SULT1B1: variants seen among roughly 807,000 people sequenced by gnomAD.
SULT1B1 encodes the protein sulfotransferase family 1B member 1.
SULT1B1 carries 28 observed loss-of-function variants against 34.6 expected under a neutral mutation model. The ratio of observed to expected loss-of-function variants is 0.81; its 90% CI spans 0.60 to 1.11. The LOEUF is 1.11. SULT1B1 is among the 50% of genes least tolerant of loss of function. The pLI is 0.00. For synonymous variants in SULT1B1, 147 were observed against 110.2 expected, an observed-to-expected ratio of 1.33 and a Z score of -2.09; for missense variants, 374 against 352.2, an observed-to-expected ratio of 1.06 and a Z score of -0.50.
intron 5 of SULT1B1, 55 bp downstream of exon 5, chr4:69,734,083 A>C: frequency 7.5e-7 from 1 of 1,339,798 alleles, no homozygotes; most frequent in Non-Finnish European, 1.0e-6. Context: ...AGTTATTGTT[A>C]ATAGTATTAT....
chr4:69,723,707 A>C lies in SULT1B1; in HGVS notation c.*3381T>G, dbSNP rs1190715180. 3 of 152,228 alleles carry C rather than the reference A, an allele frequency of 2.0e-5. No individual in the cohort carries two copies. The highest frequency in any genetic ancestry group is 7.2e-5 in the African/African-American group (3 of 41,472). 9.4% of individuals were successfully genotyped at this position (152,228 alleles called of 1,614,324 possible). On this transcript the variant is annotated 3_prime_UTR_variant, in exon 8 of 8. Coordinates refer to ENST00000310613, the MANE Select transcript of SULT1B1 (RefSeq NM_014465.4). ...CAAGTGGGCTTCATCCCTGGGATTCAAGGCTGGTTCAACATATGCAAATCA... is the reference window on the plus strand; with the variant it reads ...CAAGTGGGCTTCATCCCTGGGATTCCAGGCTGGTTCAACATATGCAAATCA...
At chr4:69,735,758 CT>C (rs1481442557) in intron 4 of SULT1B1, among the ~76,000 whole-genome samples, 1 of 152,102 alleles carries the variant, frequency 6.6e-6, no homozygotes, top group Non-Finnish European at 1.5e-5. Context: ...TTTAAAGTAG[CT>C]ATCATAAAAA....
At position 69,726,507 on chromosome 4, in the gene SULT1B1, G is replaced by A. The variant is rs1031244925; in HGVS notation, c.*581C>T. ...TGCCTTTCGGAGACTTAGACATTAG[G>A]TATGATATAGAAAAAAGATTTCCAA... is the stretch of plus-strand genomic sequence containing the variant. On this transcript the variant is annotated 3_prime_UTR_variant, in exon 8 of 8. Coordinates refer to ENST00000310613, the MANE Select transcript of SULT1B1 (RefSeq NM_014465.4). The A allele has an allele frequency of 6.6e-6, 1 of 151,872 alleles. No homozygotes were observed. Among genetic ancestry groups the A allele is most frequent in the Non-Finnish European group, 1.5e-5 (1 of 67,936 alleles). The allele number at this position is 151,872 out of a possible 1,614,324, so 9.4% of individuals were successfully genotyped here.
chr4:69,755,321 C>A lies in SULT1B1; in HGVS notation c.-44-60G>T, dbSNP rs567886138. 35 of 1,313,514 alleles carry A rather than the reference C, an allele frequency of 2.7e-5. No homozygotes were observed. The Admixed American group carries it at 6.9e-4, about 26-fold the overall frequency. 81.4% of individuals were successfully genotyped at this position (1,313,514 alleles called of 1,614,324 possible). On this transcript the variant is annotated intron_variant, in intron 1 of 7. Transcript: ENST00000310613. ...AGTAACTAATGTTGGTCTTAAGACA[C>A]TGCAATTTGTCACAAAGTAAAATTG...
At chr4:69,735,833 G>A (rs1718288918) in intron 4 of SULT1B1, among the ~76,000 whole-genome samples, 1 of 152,090 alleles carries the variant, frequency 6.6e-6, no homozygotes, top group African/African-American at 2.4e-5. Flanking sequence ...CACCTCAAAA[G>A]GAATATCAAA....
intron 3 of SULT1B1, among the ~76,000 whole-genome samples, chr4:69,750,485 T>C (rs2110029438): frequency 6.6e-6 from 1 of 152,278 alleles, no homozygotes; most frequent in Non-Finnish European, 1.5e-5. Context: ...ATGCATTCTT[T>C]TATGTTCCAC....
chr4:69,743,377 G>A (rs1182693452), intron 4 of SULT1B1, among the ~76,000 whole-genome samples: 1 of 152,140 alleles, frequency 6.6e-6, no homozygotes, highest in African/African-American at 2.4e-5. Context: ...TCTGAGTCTA[G>A]GACGTTTTAT....
At chr4:69,757,322 C>G (rs955678059) in intron 1 of SULT1B1, among the ~76,000 whole-genome samples, 1 of 152,050 alleles carries the variant, frequency 6.6e-6, no homozygotes, top group Non-Finnish European at 1.5e-5. Context: ...TAGATGAAAT[C>G]GCATTGCTTC....
At chr4:69,732,785 A>T (rs1045132579) in intron 6 of SULT1B1, among the ~76,000 whole-genome samples, 12 of 151,488 alleles carry the variant, frequency 7.9e-5, no homozygotes, top group African/African-American at 2.9e-4. Flanking sequence ...AAGGAAGTAA[A>T]GGAGGGAATG....
At chr4:69,743,553 C>T (rs1241379741) in intron 4 of SULT1B1, among the ~76,000 whole-genome samples, 2 of 152,168 alleles carry the variant, frequency 1.3e-5, no homozygotes, top group Non-Finnish European at 2.9e-5. Context: ...GGGACCCACC[C>T]CCTTCTGCCC....
chr4:69,728,465 C>T (rs758719604), intron 7 of SULT1B1, among the ~76,000 whole-genome samples: 15 of 152,024 alleles, frequency 9.9e-5, no homozygotes, highest in Admixed American at 2.0e-4. Flanking sequence ...TTTCAGCATT[C>T]ATTCATGTAC....
In SULT1B1 at chr4:69,721,341, T is replaced by A. The variant is rs1449134351; in HGVS notation, c.*5747A>T. ...CAGCTTACATAATAAAAACAATTTA[T>A]ACATGGGTCATTGATAACCACCAGT... is the stretch of plus-strand genomic sequence containing the variant. On this transcript the variant is annotated 3_prime_UTR_variant, in exon 8 of 8. Transcript: ENST00000310613. 1 of 152,168 alleles carries A rather than the reference T, an allele frequency of 6.6e-6. No homozygotes were observed. Among genetic ancestry groups the A allele is most frequent in the African/African-American group, 2.4e-5 (1 of 41,460 alleles). The allele number at this position is 152,168 out of a possible 1,614,324, so 9.4% of individuals were successfully genotyped here. A position where few individuals can be genotyped will look rare whatever the true frequency, so the allele number is the denominator to read the frequency against.
Position 69,722,674 on chromosome 4 carries a change from A to G in SULT1B1, c.*4414T>C, listed in dbSNP as rs916283750. 3.3e-5 allele frequency: 5 copies of G among 152,158 alleles called. No homozygotes were observed. Among genetic ancestry groups the G allele is most frequent in the Non-Finnish European group, 7.4e-5 (5 of 68,010 alleles). 9.4% of individuals were successfully genotyped at this position (152,158 alleles called of 1,614,324 possible). On this transcript the variant is annotated 3_prime_UTR_variant, in exon 8 of 8. Coordinates refer to ENST00000310613, the MANE Select transcript of SULT1B1 (RefSeq NM_014465.4). ...TACTACTTCTATGAGGTTTGTTGTT[A>G]CCACTAGACCAATCCTTTGCTGGGG...
chr4:69,754,591 G>C, intron 3 of SULT1B1, 79 bp downstream of exon 3: 1 of 1,415,774 alleles, frequency 7.1e-7, no homozygotes, highest in Admixed American at 2.1e-5. Context: ...TCCGGTTTCA[G>C]TGAAAGTCAC....
intron 6 of SULT1B1, among the ~76,000 whole-genome samples, chr4:69,730,975 C>G (rs1043765019): frequency 6.6e-6 from 1 of 151,962 alleles, no homozygotes; most frequent in Non-Finnish European, 1.5e-5. Context: ...GAGAGAAGCC[C>G]AAAATTAAAG....
At chr4:69,728,635 G>GGGAA (rs55722168) in intron 7 of SULT1B1, among the ~76,000 whole-genome samples, 11,530 of 151,510 alleles carry the variant, frequency 0.076, 684 homozygotes, top group East Asian at 0.37. Context: ...GGATACATCA[G>GGGAA]GGAAGGAAGG....
chr4:69,734,077 A>T, intron 5 of SULT1B1, 61 bp downstream of exon 5: 1 of 1,288,866 alleles, frequency 7.8e-7, no homozygotes, highest in Non-Finnish European at 1.0e-6. Flanking sequence ...CATAAAAGTT[A>T]TTGTTAATAG....
At chr4:69,753,648 A>G (rs1350286202) in intron 3 of SULT1B1, among the ~76,000 whole-genome samples, 1 of 152,200 alleles carries the variant, frequency 6.6e-6, no homozygotes, top group Admixed American at 6.5e-5. Context: ...TCTTTCCCCA[A>G]GTATGTACAA....
chr4:69,726,290 A>G lies in SULT1B1; in HGVS notation c.*798T>C, dbSNP rs1039761851. 5 of 151,322 alleles carry G rather than the reference A, an allele frequency of 3.3e-5. No homozygotes were observed. The highest frequency in any genetic ancestry group is 1.2e-4 in the African/African-American group (5 of 41,242). The allele number at this position is 151,322 out of a possible 1,614,324, so 9.4% of individuals were successfully genotyped here. A position where few individuals can be genotyped will look rare whatever the true frequency, so the allele number is the denominator to read the frequency against. On this transcript the variant is annotated 3_prime_UTR_variant, in exon 8 of 8. Transcript: ENST00000310613. ...TTAAGGTATCCAAATCTATCCAAAT[A>G]TAAGATTAAGTAACTGAAGTTCCCA... is the stretch of plus-strand genomic sequence containing the variant.
Sources: gnomAD v4.1 joint callset for allele counts (sites outside exome capture counted in the v4.1 genomes callset) on GRCh38, gnomAD v4.1.1 for gene constraint, MANE v1.5 for transcripts, NCBI Gene and HGNC (gene_info 2026-07-23, HGNC 2026-07-21) for gene names.